CLEC12A: variants seen among roughly 807,000 people sequenced by gnomAD.
The protein encoded by CLEC12A is C-type lectin protein CLL-1.
CLEC12A carries 22 observed loss-of-function variants against 26.5 expected under a neutral mutation model. The observed-to-expected ratio is 0.83, with a 90% CI of 0.59 to 1.19. The LOEUF (loss-of-function observed/expected upper bound fraction) is 1.19. Among genes scored for constraint, CLEC12A ranks in the 50% most tolerant of loss-of-function variants. The pLI, the probability that CLEC12A is intolerant of heterozygous loss-of-function variation, is 0.00. For missense variants in CLEC12A, 353 were observed against 315.6 expected, an observed-to-expected ratio of 1.12 and a Z score of -0.90; for synonymous variants, 119 against 101.9, an observed-to-expected ratio of 1.17 and a Z score of -1.01.
downstream of CLEC12A, chr12:9,985,677 C>G (rs1441161916): frequency 2.6e-6 from 1 of 387,982 alleles, no homozygotes; most frequent in African/African-American, 2.1e-5. Flanking sequence ...CAGCAATTAG[C>G]TATGCAAACA....
intron 4 of CLEC12A, among the ~76,000 whole-genome samples, chr12:9,994,507 A>C (rs1864982510): frequency 6.6e-6 from 1 of 152,160 alleles, no homozygotes; most frequent in Non-Finnish European, 1.5e-5. Context: ...TTTGATATAC[A>C]GGATGAACAA....
chr12:9,995,296 T>C (rs1265167440), exon 5 of CLEC12A: 1 of 1,471,434 alleles, frequency 6.8e-7, no homozygotes, highest in South Asian at 1.1e-5. Context: ...CCACAGCTCT[T>C]GGTATGATAG....
chr12:9,979,160 T>C, intron 2 of CLEC12A, 96 bp downstream of exon 2: 1 of 1,067,410 alleles, frequency 9.4e-7, no homozygotes. Context: ...TTTATAATAA[T>C]GATAGGTGAT....
rs74434529 is a variant in CLEC12A at position 9,995,524 on chromosome 12, G to A, written n.1511G>A. The A allele has an allele frequency of 5.8e-4, 223 of 384,478 alleles. 2 individuals carry two copies. The East Asian group carries it at 1.0e-2, about 17-fold the overall frequency. The allele number at this position is 384,478 out of a possible 1,614,324, so 23.8% of individuals were successfully genotyped here. Reference sequence around the variant, plus strand: ...GTATTTAGATCTTCAACCAGTTGAGGATTATACTCCCAAATAGAATACCAA... The same window carrying A: ...GTATTTAGATCTTCAACCAGTTGAGAATTATACTCCCAAATAGAATACCAA... On this transcript the variant is annotated non_coding_transcript_exon_variant, in exon 5 of 5. Coordinates refer to the CLEC12A transcript ENST00000449959.
At chr12:9,993,071 C>T (rs952625884) in intron 4 of CLEC12A, 90 of 1,385,464 alleles carry the variant, frequency 6.5e-5, no homozygotes, top group South Asian at 4.2e-5. Context: ...TTTTCAGCTA[C>T]TGATGCATTC....
intron 1 of CLEC12A, among the ~76,000 whole-genome samples, chr12:9,957,361 G>A (rs972208859): frequency 3.9e-5 from 6 of 151,904 alleles, no homozygotes; most frequent in Admixed American, 6.6e-5. Flanking sequence ...GGTGGTGCAC[G>A]GCTGTAATCC....
At chr12:9,966,928 T>C (rs558223660), upstream of CLEC12A, among the ~76,000 whole-genome samples, 91 of 139,254 alleles carry the variant, frequency 6.5e-4, 3 homozygotes, top group Non-Finnish European at 1.3e-3. Context: ...GCCTAAACGC[T>C]ATCTGATTTG....
chr12:9,955,146 G>T (rs1447666105), intron 1 of CLEC12A, among the ~76,000 whole-genome samples: 2 of 152,132 alleles, frequency 1.3e-5, no homozygotes, highest in Non-Finnish European at 2.9e-5. Context: ...GAGTGCAGTG[G>T]CCCGATCTCG....
At chr12:9,953,578 A>G (rs1451936644) in intron 1 of CLEC12A, among the ~76,000 whole-genome samples, 1 of 128,336 alleles carries the variant, frequency 7.8e-6, no homozygotes, top group African/African-American at 3.2e-5. Context: ...CCCGTCCGGG[A>G]GGGAGGTGGG....
At chr12:9,963,106 T>C (rs1162329792) in intron 1 of CLEC12A, among the ~76,000 whole-genome samples, 1 of 152,156 alleles carries the variant, frequency 6.6e-6, no homozygotes, top group African/African-American at 2.4e-5. Context: ...GATACGGTTT[T>C]GTATGAATTG....
At chr12:9,998,813 C>T (rs1162228792), downstream of CLEC12A, among the ~76,000 whole-genome samples, 1 of 152,086 alleles carries the variant, frequency 6.6e-6, no homozygotes, top group African/African-American at 2.4e-5. Context: ...GAGTATTAAA[C>T]GCTCAGAATC....
At chr12:9,966,562 T>C (rs1161709861), upstream of CLEC12A, among the ~76,000 whole-genome samples, 1 of 152,154 alleles carries the variant, frequency 6.6e-6, no homozygotes, top group African/African-American at 2.4e-5. Flanking sequence ...CCTGGAGGAA[T>C]GCCTGGCCAC....
upstream of CLEC12A, among the ~76,000 whole-genome samples, chr12:9,971,000 G>C (rs927821340): frequency 6.6e-6 from 1 of 152,120 alleles, no homozygotes; most frequent in Non-Finnish European, 1.5e-5. Context: ...TATGTAACAT[G>C]GCAACGGAAT....
chr12:9,979,174 C>A, intron 2 of CLEC12A, 110 bp downstream of exon 2: 2 of 1,022,464 alleles, frequency 2.0e-6, no homozygotes, highest in African/African-American at 1.6e-5. Context: ...AGGTGATAGG[C>A]CCACAAGGAG....
At chr12:9,983,508 A>G in intron 5 of CLEC12A, 1 of 696,408 alleles carries the variant, frequency 1.4e-6, no homozygotes, top group East Asian at 2.7e-5. Flanking sequence ...GTATTTTTTA[A>G]TCTCTGAAAT....
At chr12:9,988,544 G>A (rs543636546), downstream of CLEC12A, among the ~76,000 whole-genome samples, 25 of 152,310 alleles carry the variant, frequency 1.6e-4, no homozygotes, top group South Asian at 3.9e-3. Context: ...CCATCAAAAA[G>A]TGGGCAAAGG....
chr12:9,981,069 C>T (rs1372027470), intron 4 of CLEC12A, among the ~76,000 whole-genome samples: 1 of 152,036 alleles, frequency 6.6e-6, no homozygotes, highest in Non-Finnish European at 1.5e-5. Flanking sequence ...GAGATTATTC[C>T]CCAGGATTAG....
rs1864746025 is a variant in CLEC12A at position 9,985,583 on chromosome 12, A to C, written c.*557A>C. 2.5e-6 allele frequency: 1 copy of C among 398,192 alleles called. No homozygotes were observed. Among genetic ancestry groups the C allele is most frequent in the African/African-American group, 2.1e-5 (1 of 48,626 alleles). 24.7% of individuals were successfully genotyped at this position (398,192 alleles called of 1,614,324 possible). A position where few individuals can be genotyped will look rare whatever the true frequency, so the allele number is the denominator to read the frequency against. ...TTTTAAGTAAAAGCCAATAAACAAAAACGAAAAGGCAAGTTACGAGACTGA... is the reference window on the plus strand; with the variant it reads ...TTTTAAGTAAAAGCCAATAAACAAACACGAAAAGGCAAGTTACGAGACTGA... On this transcript the variant is annotated 3_prime_UTR_variant, in exon 6 of 6. Transcript: ENST00000304361.
At chr12:9,996,760 A>G, downstream of CLEC12A, 1 of 1,401,934 alleles carries the variant, frequency 7.1e-7, no homozygotes, top group Non-Finnish European at 1.0e-6. Context: ...TGTTAAGAAA[A>G]ATGTAAAAAA....
Sources: gnomAD v4.1 joint callset for allele counts (sites outside exome capture counted in the v4.1 genomes callset) on GRCh38, gnomAD v4.1.1 for gene constraint, MANE v1.5 for transcripts, NCBI Gene and HGNC (gene_info 2026-07-23, HGNC 2026-07-21) for gene names.